The following SEMA3A variants were observed in gnomAD, a reference collection of about 807,000 sequenced individuals.
The protein encoded by SEMA3A is semaphorin-3A.
In SEMA3A, 29 loss-of-function variants were observed where a neutral mutation model predicts 97.9. The observed-to-expected ratio is 0.30, with a 90% CI of 0.22 to 0.40. SEMA3A has a LOEUF of 0.40. SEMA3A is among the 10% of genes least tolerant of loss of function. The pLI is 1.00. For missense variants in SEMA3A, 763 were observed against 951.3 expected (o/e 0.80, Z 2.60); for synonymous variants, 321 against 323.7 (o/e 0.99, Z 0.09).
intron 1 of SEMA3A, among the ~76,000 whole-genome samples, chr7:84,404,629 A>C (rs969679971): frequency 6.6e-6 from 1 of 152,166 alleles, no homozygotes; most frequent in African/African-American, 2.4e-5. Context: ...AAAAAATGTT[A>C]AGGGCAGCCA....
At chr7:84,046,750 A>C (rs1028425512) in intron 5 of SEMA3A, among the ~76,000 whole-genome samples, 2 of 152,062 alleles carry the variant, frequency 1.3e-5, no homozygotes, top group Non-Finnish European at 2.9e-5. Flanking sequence ...ATTATTTTCT[A>C]CTATGACCAC....
At chr7:84,377,096 A>T (rs1340209815) in intron 1 of SEMA3A, among the ~76,000 whole-genome samples, 1 of 152,142 alleles carries the variant, frequency 6.6e-6, no homozygotes, top group African/African-American at 2.4e-5. Flanking sequence ...CTCTGTGCAG[A>T]TCAATAATCT....
intron 2 of SEMA3A, chr7:84,307,370 T>C (rs1475686252): frequency 6.6e-6 from 1 of 152,172 alleles, no homozygotes; most frequent in Non-Finnish European, 1.5e-5. Context: ...ATGCTCCACT[T>C]AATTAAAAGT....
In SEMA3A at chr7:84,398,391, G is replaced by C. The variant is rs116116886; in HGVS notation, c.-245-26491C>G. 4.0e-3 allele frequency among the ~76,000 whole-genome samples: 611 copies of C among 152,218 alleles called. 3 individuals are homozygous for C. The highest frequency in any genetic ancestry group is 0.013 in the African/African-American group (555 of 41,538). ...TAGCACGTGACATTCATGACAATTTGTGTCTTAGAATAGTGTTTTTCCTGA... is the reference window on the plus strand; with the variant it reads ...TAGCACGTGACATTCATGACAATTTCTGTCTTAGAATAGTGTTTTTCCTGA... On this transcript the variant is annotated intron_variant, in intron 1 of 3. Transcript: ENST00000424555.
chr7:84,240,661 G>T (rs559221832), intron 3 of SEMA3A, among the ~76,000 whole-genome samples: 21 of 152,234 alleles, frequency 1.4e-4, no homozygotes, highest in Non-Finnish European at 1.9e-4. Flanking sequence ...GAGTGGGCAG[G>T]TTTGTTCCAT....
chr7:84,289,434 G>C (rs1038137914), intron 3 of SEMA3A, among the ~76,000 whole-genome samples: 1 of 151,930 alleles, frequency 6.6e-6, no homozygotes, highest in Non-Finnish European at 1.5e-5. Flanking sequence ...ATCTTCATTT[G>C]ATCACTGCAC....
At chr7:84,292,973 C>G (rs1252933293) in intron 3 of SEMA3A, among the ~76,000 whole-genome samples, 1 of 151,960 alleles carries the variant, frequency 6.6e-6, no homozygotes, top group Non-Finnish European at 1.5e-5. Context: ...AACTAATTTA[C>G]ATGTTTGTTG....
Position 84,323,246 on chromosome 7 carries a change from T to A in SEMA3A, c.-168-15954A>T, listed in dbSNP as rs1186385278. On this transcript the variant is annotated intron_variant, in intron 2 of 3. Coordinates refer to the SEMA3A transcript ENST00000424555. ...TGCGTTTTGTTCTATAGTGTAATAT[T>A]TATGTCAATCAAAAGTATCAATACT... 3.3e-5 allele frequency among the ~76,000 whole-genome samples: 5 copies of A among 152,172 alleles called. No individual in the cohort carries two copies. In the East Asian group the frequency reaches 9.6e-4, roughly 29 times the overall value.
intron 1 of SEMA3A, among the ~76,000 whole-genome samples, chr7:84,393,534 G>C (rs1290124581): frequency 1.3e-5 from 2 of 152,106 alleles, no homozygotes; most frequent in African/African-American, 2.4e-5. Context: ...GCACAGAAAT[G>C]AACCCATGCA....
At chr7:84,006,435 C>T (rs1790670666) in intron 10 of SEMA3A, among the ~76,000 whole-genome samples, 1 of 151,732 alleles carries the variant, frequency 6.6e-6, no homozygotes, top group African/African-American at 2.4e-5. Context: ...CACAAAAAGA[C>T]CAATCAGAAT....
intron 3 of SEMA3A, among the ~76,000 whole-genome samples, chr7:84,114,294 A>C (rs570200870): frequency 1.1e-4 from 16 of 152,174 alleles, no homozygotes; most frequent in Non-Finnish European, 2.1e-4. Context: ...AAGTAAGCGA[A>C]GAGAAAAGAA....
chr7:84,316,391 A>G (rs1015113905), intron 2 of SEMA3A, among the ~76,000 whole-genome samples: 1 of 151,956 alleles, frequency 6.6e-6, no homozygotes, highest in Non-Finnish European at 1.5e-5. Flanking sequence ...CGATACTTTA[A>G]AATCCTTAAA....
intron 1 of SEMA3A, 50 bp downstream of exon 1, chr7:84,194,425 G>A: frequency 2.4e-6 from 3 of 1,237,834 alleles, no homozygotes; most frequent in South Asian, 2.5e-5. Flanking sequence ...GAATTAAGGG[G>A]GGGGGCGGTT....
intron 2 of SEMA3A, among the ~76,000 whole-genome samples, chr7:84,357,008 G>C (rs945672216): frequency 6.6e-6 from 1 of 151,688 alleles, no homozygotes; most frequent in Non-Finnish European, 1.5e-5. Context: ...ACACAAAGCA[G>C]CTATAGTATC....
At chr7:84,016,151 T>G (rs1242840858) in intron 6 of SEMA3A, among the ~76,000 whole-genome samples, 1 of 152,116 alleles carries the variant, frequency 6.6e-6, no homozygotes, top group African/African-American at 2.4e-5. Context: ...TGTGACATGT[T>G]AGGAATTACT....
intron 3 of SEMA3A, among the ~76,000 whole-genome samples, chr7:84,246,280 T>C (rs765136989): frequency 4.6e-5 from 7 of 152,220 alleles, no homozygotes; most frequent in Non-Finnish European, 7.3e-5. Flanking sequence ...ATTAAGTTTG[T>C]AGTAATTTGT....
chr7:84,134,839 A>C lies in SEMA3A; in HGVS notation c.225T>G (p.Asp75Glu). ...ERSRLYVGAK[D>E]HIFSFDLVNI... Reference sequence around the variant, plus strand: ...TAACCAGGTCGAATGAAAATATGTGATCCTTTGCTCCAACATACAGCCTAC... The same window carrying C: ...TAACCAGGTCGAATGAAAATATGTGCTCCTTTGCTCCAACATACAGCCTAC... The change falls in exon 2 of 17, where the codon GAT becomes GAG. Residue 75 changes from aspartate (D) to glutamate (E), a missense_variant. By Grantham distance (45) the Asp-to-Glu change is conservative. Around this residue, in one of 2 missense-constraint regions of SEMA3A, gnomAD observed 678 missense variants for 881.3 expected, o/e 0.77. Transcript: ENST00000265362. 1 of 1,613,594 alleles carries C rather than the reference A, an allele frequency of 6.2e-7. No homozygotes were observed. Among genetic ancestry groups the C allele is most frequent in the Non-Finnish European group, 8.5e-7 (1 of 1,179,770 alleles).
Position 84,002,639 on chromosome 7 carries a change from C to T in SEMA3A, c.1361-593G>A, listed in dbSNP as rs1339497150. On this transcript the variant is annotated intron_variant, in intron 11 of 16. Transcript: ENST00000265362. ...AAGTTCCTAATGATGGCTCAATGGC[C>T]ATTATGTGATGAATGACAATAACCC... Among the ~76,000 whole-genome samples, 3 of 152,106 alleles carry T rather than the reference C, an allele frequency of 2.0e-5. No homozygotes were observed. The East Asian group carries it at 5.8e-4, about 29-fold the overall frequency.
chr7:84,225,458 G>T (rs986668811), intron 3 of SEMA3A, among the ~76,000 whole-genome samples: 7 of 152,064 alleles, frequency 4.6e-5, no homozygotes, highest in Non-Finnish European at 1.0e-4. Flanking sequence ...CCATACGAAA[G>T]TAACGAAGTA....
Sources: allele counts gnomAD v4.1 joint callset (sites outside exome capture counted in the v4.1 genomes callset), GRCh38; gene constraint gnomAD v4.1.1; regional missense constraint gnomAD v4.1.1; transcripts MANE v1.5; gene names NCBI Gene and HGNC (gene_info 2026-07-23, HGNC 2026-07-21).